FILIP1: variants seen among roughly 807,000 people sequenced by gnomAD.
FILIP1 encodes the protein filamin A interacting protein 1, also known as filamin-A-interacting protein 1.
In FILIP1, 61 loss-of-function variants were observed where a neutral mutation model predicts 102.1. That is an observed-to-expected ratio of 0.60 (90% confidence interval 0.49 to 0.74). The LOEUF (loss-of-function observed/expected upper bound fraction) is 0.74. Among genes scored for constraint, FILIP1 ranks in the 30% least tolerant of loss-of-function variants. The pLI is 0.00. For missense variants in FILIP1, 1,314 were observed against 1,441.2 expected (o/e 0.91, Z 1.43); for synonymous variants, 491 against 526.9 (o/e 0.93, Z 0.93).
chr6:75,441,588 G>A (rs1778232486), intron 1 of FILIP1, among the ~76,000 whole-genome samples: 1 of 150,700 alleles, frequency 6.6e-6, no homozygotes. Flanking sequence ...CTCCCGGACG[G>A]GGCGGCTGGC....
In FILIP1 at chr6:75,476,599, C is replaced by T. The variant is rs531717213; in HGVS notation, c.-7+16815G>A. Among the ~76,000 whole-genome samples the T allele has an allele frequency of 8.5e-5, 13 of 152,306 alleles. No homozygotes were observed. In the East Asian group the frequency reaches 1.9e-3, roughly 23 times the overall value. On this transcript the variant is annotated intron_variant, in intron 1 of 5. Transcript: ENST00000237172. Reference sequence around the variant, plus strand: ...CAACCTATTCTATATGCATATTTTACGTGCCTATTTATAACTCTCCTTTTA... The same window carrying T: ...CAACCTATTCTATATGCATATTTTATGTGCCTATTTATAACTCTCCTTTTA...
At chr6:75,363,651 T>C (rs949401541) in intron 2 of FILIP1, among the ~76,000 whole-genome samples, 1 of 152,244 alleles carries the variant, frequency 6.6e-6, no homozygotes, top group Non-Finnish European at 1.5e-5. Flanking sequence ...TATATCATAC[T>C]GTCTGTGGTT....
intron 4 of FILIP1, among the ~76,000 whole-genome samples, chr6:75,332,577 G>A (rs2149579797): frequency 6.6e-6 from 1 of 152,290 alleles, no homozygotes; most frequent in African/African-American, 2.4e-5. Flanking sequence ...ATTATGGGAT[G>A]CTATATTTAG....
At chr6:75,343,623 A>T (rs956088163) in intron 4 of FILIP1, among the ~76,000 whole-genome samples, 2 of 152,110 alleles carry the variant, frequency 1.3e-5, no homozygotes, top group African/African-American at 4.8e-5. Flanking sequence ...CTATACCTGG[A>T]TCCTTGCTTT....
intron 2 of FILIP1, among the ~76,000 whole-genome samples, chr6:75,405,489 C>T (rs1338225894): frequency 2.6e-5 from 4 of 152,158 alleles, no homozygotes; most frequent in Non-Finnish European, 5.9e-5. Flanking sequence ...AAATTATTTA[C>T]TTAACTTCCC....
chr6:75,460,790 GCTTT>G (rs1375666473), intron 1 of FILIP1, among the ~76,000 whole-genome samples: 1 of 152,124 alleles, frequency 6.6e-6, no homozygotes, highest in Non-Finnish European at 1.5e-5. Context: ...AAAAGACTGA[GCTTT>G]CTGAGTGTTA....
chr6:75,441,084 C>A (rs1034217363), intron 1 of FILIP1, among the ~76,000 whole-genome samples: 111 of 149,044 alleles, frequency 7.4e-4, no homozygotes, highest in African/African-American at 2.6e-3. Flanking sequence ...AGCAGATAAA[C>A]AAGTGAACAA....
At chr6:75,351,100 C>G (rs9443168) in intron 4 of FILIP1, among the ~76,000 whole-genome samples, 102,972 of 151,778 alleles carry the variant, frequency 0.68, 35,082 homozygotes, top group Middle Eastern at 0.77. Flanking sequence ...GAGTTTCGCT[C>G]TTGTTGCCCA....
In FILIP1 at chr6:75,435,291, T is replaced by C. The variant is rs17410405; in HGVS notation, c.-6-20313A>G. Among the ~76,000 whole-genome samples the C allele has an allele frequency of 8.9e-3, 1,359 of 152,356 alleles. 25 individuals are homozygous for C. Among genetic ancestry groups the C allele is most frequent in the Middle Eastern group, 0.034 (10 of 294 alleles). ...GTTGATTTTTTTCAAAGAACAAAATTATATCATAGGTACAATATCAATTCA... is the reference window on the plus strand; with the variant it reads ...GTTGATTTTTTTCAAAGAACAAAATCATATCATAGGTACAATATCAATTCA... On this transcript the variant is annotated intron_variant, in intron 1 of 5. Coordinates refer to ENST00000237172, the MANE Select transcript of FILIP1 (RefSeq NM_015687.5).
chr6:75,323,899 G>A (rs1773744927), intron 4 of FILIP1, among the ~76,000 whole-genome samples: 1 of 152,180 alleles, frequency 6.6e-6, no homozygotes, highest in Non-Finnish European at 1.5e-5. Context: ...AAAAGTGGCA[G>A]TTTCCTCTGC....
At chr6:75,299,151 T>C (rs185510790) in intron 6 of FILIP1, among the ~76,000 whole-genome samples, 1 of 152,292 alleles carries the variant, frequency 6.6e-6, no homozygotes, top group Admixed American at 6.5e-5. Flanking sequence ...TTATAAATCT[T>C]ATTGAAGTTA....
chr6:75,299,696 A>C (rs1308317346), intron 6 of FILIP1, among the ~76,000 whole-genome samples: 1 of 152,094 alleles, frequency 6.6e-6, no homozygotes, highest in Non-Finnish European at 1.5e-5. Flanking sequence ...CATTAAATGC[A>C]TTATTTGTTA....
In FILIP1 at chr6:75,480,476, A is replaced by G. The variant is rs186212868; in HGVS notation, c.-7+12938T>C. Among the ~76,000 whole-genome samples, 4 of 152,124 alleles carry G rather than the reference A, an allele frequency of 2.6e-5. No homozygotes were observed. In the East Asian group the frequency reaches 5.8e-4, roughly 22 times the overall value. On this transcript the variant is annotated intron_variant, in intron 1 of 5. Transcript: ENST00000237172. Reference sequence around the variant, plus strand: ...GGCTAGACATGAACTCCTGGGCTCAATCGACACTCTCCCTTCAGCCTCCAC... The same window carrying G: ...GGCTAGACATGAACTCCTGGGCTCAGTCGACACTCTCCCTTCAGCCTCCAC...
intron 1 of FILIP1, among the ~76,000 whole-genome samples, chr6:75,491,212 C>A (rs1468622605): frequency 6.6e-6 from 1 of 152,088 alleles, no homozygotes; most frequent in East Asian, 1.9e-4. Flanking sequence ...GAGTAAATGT[C>A]TTCCAGGCAG....
At chr6:75,395,320 T>C (rs2703668) in intron 2 of FILIP1, among the ~76,000 whole-genome samples, 113,023 of 152,076 alleles carry the variant, frequency 0.74, 42,597 homozygotes, top group African/African-American at 0.88. Context: ...CGCTCTGTCA[T>C]CCAGGTGGGA....
chr6:75,483,030 C>CA (rs5877456), intron 1 of FILIP1, among the ~76,000 whole-genome samples: 44,276 of 145,798 alleles, frequency 0.3, 7,114 homozygotes, highest in East Asian at 0.46. Flanking sequence ...CTTTCTATTG[C>CA]AAAAAAAAAA....
At chr6:75,482,058 G>A (rs1478547151) in intron 1 of FILIP1, among the ~76,000 whole-genome samples, 1 of 151,976 alleles carries the variant, frequency 6.6e-6, no homozygotes, top group Non-Finnish European at 1.5e-5. Context: ...CTTTCATCTG[G>A]TTTTCCCCCT....
chr6:75,310,022 C>G (rs73751109), intron 5 of FILIP1, among the ~76,000 whole-genome samples: 3,991 of 152,306 alleles, frequency 0.026, 197 homozygotes, highest in African/African-American at 0.091. Context: ...ATATCAATTT[C>G]ATAATGAGAC....
At chr6:75,400,070 A>T (rs779637720) in intron 2 of FILIP1, among the ~76,000 whole-genome samples, 12 of 152,112 alleles carry the variant, frequency 7.9e-5, no homozygotes, top group Non-Finnish European at 1.6e-4. Context: ...ATACTGGCAC[A>T]TCTGTGGAAA....
Sources: gnomAD v4.1 joint callset for allele counts (sites outside exome capture counted in the v4.1 genomes callset) on GRCh38, gnomAD v4.1.1 for gene constraint, MANE v1.5 for transcripts, NCBI Gene and HGNC (gene_info 2026-07-23, HGNC 2026-07-21) for gene names.